The following SNW1 variants were observed in gnomAD, a reference collection of about 807,000 sequenced individuals.
SNW1 encodes the protein SNW domain containing 1.
A neutral mutation model predicts 75.6 loss-of-function variants in SNW1; 9 were observed. That is an observed-to-expected ratio of 0.12 (90% confidence interval 0.07 to 0.21). SNW1 has a LOEUF of 0.21. Among genes scored for constraint, SNW1 ranks in the 10% least tolerant of loss-of-function variants. SNW1 has a pLI of 1.00. For missense variants in SNW1, 409 were observed against 670.9 expected (o/e 0.61, Z 4.31); for synonymous variants, 200 against 219.1 (o/e 0.91, Z 0.77).
chr14:77,726,723 A>G (rs796386616), intron 10 of SNW1, among the ~76,000 whole-genome samples: 6 of 152,186 alleles, frequency 3.9e-5, no homozygotes, highest in African/African-American at 1.4e-4. Context: ...CGGAGACACA[A>G]GGATTGCTTG....
Position 77,750,678 on chromosome 14 carries a change from AAC to A in SNW1, c.330+639_330+640del, listed in dbSNP as rs2080800751. On this transcript the variant is annotated intron_variant, in intron 3 of 13. Transcript: ENST00000261531. ...GTATTTATTTACAAGAAAAAAAAAA[AAC>A]TAGGTCTTCTTAAAAATAGTTCCTT... is the stretch of plus-strand genomic sequence containing the variant. 5.3e-5 allele frequency among the ~76,000 whole-genome samples: 8 copies of A among 152,276 alleles called. No homozygotes were observed. The South Asian group carries it at 1.7e-3, about 32-fold the overall frequency.
At chr14:77,730,496 T>C (rs2080619697) in intron 10 of SNW1, among the ~76,000 whole-genome samples, 1 of 152,162 alleles carries the variant, frequency 6.6e-6, no homozygotes. Flanking sequence ...TGAATTATAC[T>C]TAGGACTCGA....
chr14:77,726,981 GT>G (rs1248028674), intron 10 of SNW1, among the ~76,000 whole-genome samples: 1 of 152,004 alleles, frequency 6.6e-6, no homozygotes, highest in Non-Finnish European at 1.5e-5. Flanking sequence ...TCAGTTTTAA[GT>G]TTTTTGGTGG....
At chr14:77,749,619 T>G (rs901629863) in intron 3 of SNW1, among the ~76,000 whole-genome samples, 11 of 151,840 alleles carry the variant, frequency 7.2e-5, no homozygotes, top group African/African-American at 2.4e-4. Context: ...ACAAAAAAAT[T>G]CACCGGGCAT....
chr14:77,728,168 G>A (rs2139899934), intron 10 of SNW1, among the ~76,000 whole-genome samples: 1 of 152,152 alleles, frequency 6.6e-6, no homozygotes, highest in African/African-American at 2.4e-5. Flanking sequence ...TGTCAGGAAA[G>A]GCTGGGTGTG....
chr14:77,760,699 C>T, intron 1 of SNW1: 2 of 702,390 alleles, frequency 2.8e-6, no homozygotes, highest in Non-Finnish European at 5.2e-6. Flanking sequence ...GGAGAGAGAC[C>T]ACCACAGGCA....
chr14:77,736,478 G>A (rs992230475), intron 6 of SNW1, among the ~76,000 whole-genome samples: 19 of 152,058 alleles, frequency 1.2e-4, no homozygotes, highest in Admixed American at 3.9e-4. Flanking sequence ...GAACCCAGGA[G>A]GCAGAGGTTG....
rs2080834228 is a variant in SNW1 at position 77,755,098 on chromosome 14, G to C, written c.37C>G (p.Leu13Val). The change falls in exon 2 of 14, where the codon CTA becomes GTA. Residue 13 changes from leucine (L) to valine (V), a missense_variant. This residue lies in a region of SNW1 where 73 missense variants were observed against 68.3 expected (regional missense o/e 1.07). Transcript: ENST00000261531. ...TCAGCCTCAAGCTGGTCCTGAGATA[G>C]CTGAGTAGGTGCAGGTAAAAAGCTA... ...LTSFLPAPTQ[L>V]SQDQLEAEEK... 1 of 1,612,946 alleles carries C rather than the reference G, an allele frequency of 6.2e-7. No homozygotes were observed. Among genetic ancestry groups the C allele is most frequent in the African/African-American group, 1.3e-5 (1 of 74,990 alleles).
chr14:77,720,661 G>T, intron 12 of SNW1, 50 bp downstream of exon 12: 1 of 1,181,846 alleles, frequency 8.5e-7, no homozygotes, highest in South Asian at 1.2e-5. Flanking sequence ...GTTTCCCTGA[G>T]GATAGGTATT....
intron 1 of SNW1, among the ~76,000 whole-genome samples, chr14:77,759,629 C>T (rs1165971009): frequency 6.6e-6 from 1 of 152,164 alleles, no homozygotes; most frequent in Non-Finnish European, 1.5e-5. Flanking sequence ...GTCTATGACA[C>T]AGTGTCTCAC....
chr14:77,759,601 C>A (rs894614724), intron 1 of SNW1, among the ~76,000 whole-genome samples: 3 of 152,156 alleles, frequency 2.0e-5, no homozygotes, highest in Admixed American at 2.0e-4. Flanking sequence ...CACAAAGTCT[C>A]CCCTCATAAC....
chr14:77,760,830 C>T (rs964874768), intron 1 of SNW1: 5 of 730,702 alleles, frequency 6.8e-6, no homozygotes, highest in Non-Finnish European at 1.2e-5. Flanking sequence ...CTGTCCGCTC[C>T]CCGCAAGATG....
intron 11 of SNW1, among the ~76,000 whole-genome samples, chr14:77,721,597 T>C (rs1395166785): frequency 6.6e-6 from 1 of 152,192 alleles, no homozygotes; most frequent in Non-Finnish European, 1.5e-5. Flanking sequence ...TTAAACACTT[T>C]CACACTTTGC....
chr14:77,737,200 TAAC>T, intron 5 of SNW1, 125 bp from the exon 6 acceptor site: 3 of 639,168 alleles, frequency 4.7e-6, no homozygotes, highest in Non-Finnish European at 8.3e-6. Context: ...AACAGAAAAT[TAAC>T]AAAATATTTA....
rs2080500849 is a variant in SNW1, at chr14:77,717,815, A to G, written c.*273T>C. 1 of 575,630 alleles carries G rather than the reference A, an allele frequency of 1.7e-6. No individual in the cohort carries two copies. The highest frequency in any genetic ancestry group is 3.0e-6 in the Non-Finnish European group (1 of 328,280). The allele number at this position is 575,630 out of a possible 1,614,324, so 35.7% of individuals were successfully genotyped here. A position where few individuals can be genotyped will look rare whatever the true frequency, so the allele number is the denominator to read the frequency against. On this transcript the variant is annotated 3_prime_UTR_variant, in exon 14 of 14. Transcript: ENST00000261531. Reference sequence around the variant, plus strand: ...TAACCCCAAACTACTAGTGTCACATAAAAGTAAGTGGTCTTGACTTTGTAT... The same window carrying G: ...TAACCCCAAACTACTAGTGTCACATGAAAGTAAGTGGTCTTGACTTTGTAT...
chr14:77,723,815 G>A (rs1004068526), intron 10 of SNW1, among the ~76,000 whole-genome samples: 1 of 151,960 alleles, frequency 6.6e-6, no homozygotes, highest in Admixed American at 6.6e-5. Context: ...CCACCATGCC[G>A]GGCTAATTTT....
At chr14:77,747,793 T>TG (rs1442433837) in intron 3 of SNW1, among the ~76,000 whole-genome samples, 4 of 143,758 alleles carry the variant, frequency 2.8e-5, no homozygotes, top group Non-Finnish European at 4.6e-5. Flanking sequence ...GTCCGGGAGG[T>TG]GGGGGGCGCC....
Position 77,718,061 on chromosome 14 carries a change from GTTCA to G in SNW1, c.*23_*26del. 6.5e-7 allele frequency: 1 copy of G among 1,527,954 alleles called. No homozygotes were observed. Among genetic ancestry groups the G allele is most frequent in the African/African-American group, 1.4e-5 (1 of 72,044 alleles). 94.6% of individuals were successfully genotyped at this position (1,527,954 alleles called of 1,614,324 possible). On this transcript the variant is annotated 3_prime_UTR_variant, in exon 14 of 14. Transcript: ENST00000261531. ...TGCATCATTAGGGTTATGGGTAAGA[GTTCA>G]TTCACTTTGGAGAGACCTGTGCCTA...
At chr14:77,759,459 G>C (rs753337280) in intron 1 of SNW1, among the ~76,000 whole-genome samples, 2 of 152,072 alleles carry the variant, frequency 1.3e-5, no homozygotes, top group Non-Finnish European at 2.9e-5. Flanking sequence ...GGCTGCAGTG[G>C]GCTGTGATTG....
Sources: gnomAD v4.1 joint callset for allele counts (sites outside exome capture counted in the v4.1 genomes callset) on GRCh38, gnomAD v4.1.1 for gene constraint, gnomAD v4.1.1 regional missense constraint, MANE v1.5 for transcripts, NCBI Gene and HGNC (gene_info 2026-07-23, HGNC 2026-07-21) for gene names.